Variants in MECOM observed in about 807,000 individuals in gnomAD.
The protein encoded by MECOM is histone-lysine N-methyltransferase MECOM.
Under a neutral mutation model 116.3 loss-of-function variants are expected in MECOM, and 13 were observed. That is an observed-to-expected ratio of 0.11 (90% CI 0.07 to 0.18). MECOM has a LOEUF of 0.18. Ranked by LOEUF, MECOM falls within the 10% of genes least tolerant of loss-of-function variation. MECOM has a pLI of 1.00. For synonymous variants in MECOM, 528 were observed against 535.2 expected, an observed-to-expected ratio of 0.99 and a Z score of 0.19; for missense variants, 1,299 against 1,509.0, an observed-to-expected ratio of 0.86 and a Z score of 2.31.
At chr3:169,311,671 T>C (rs1030864046) in intron 2 of MECOM, among the ~76,000 whole-genome samples, 31 of 140,492 alleles carry the variant, frequency 2.2e-4, no homozygotes, top group Non-Finnish European at 1.9e-4. Context: ...AGTGTTTCTT[T>C]TACATTTTAC....
chr3:169,483,835 C>A (rs889652041), intron 1 of MECOM: 9 of 1,611,562 alleles, frequency 5.6e-6, no homozygotes, highest in Non-Finnish European at 7.6e-6. Context: ...AAAGGCACCT[C>A]GGATGTCACG....
intron 2 of MECOM, among the ~76,000 whole-genome samples, chr3:169,265,379 A>G (rs935844014): frequency 4.6e-5 from 7 of 152,258 alleles, no homozygotes; most frequent in African/African-American, 1.7e-4. Context: ...TTGAAAATCA[A>G]TATATTTGCA....
rs16853542 is a variant in MECOM, at chr3:169,343,869, T to C, written c.375+37318A>G. 6.0e-3 allele frequency among the ~76,000 whole-genome samples: 908 copies of C among 152,292 alleles called. 70 individuals carry two copies. In the East Asian group the frequency reaches 0.16, roughly 27 times the overall value. On this transcript the variant is annotated intron_variant, in intron 2 of 16. Transcript: ENST00000651503. Reference sequence around the variant, plus strand: ...AGTCAAACATTTTGCAGTACCATCCTTGAAATTATTAAACATTGTTGACAT... The same window carrying C: ...AGTCAAACATTTTGCAGTACCATCCCTGAAATTATTAAACATTGTTGACAT...
At chr3:169,526,422 A>T (rs1297085020) in intron 1 of MECOM, among the ~76,000 whole-genome samples, 1 of 152,206 alleles carries the variant, frequency 6.6e-6, no homozygotes, top group Non-Finnish European at 1.5e-5. Flanking sequence ...GTTTTGACAC[A>T]TTCAAGTGTG....
intron 2 of MECOM, chr3:169,145,143 AACACAC>A (rs67598122): frequency 0.094 from 47,686 of 509,982 alleles, 1,937 homozygotes; most frequent in Non-Finnish European, 0.098. Flanking sequence ...GATATTATTA[AACACAC>A]ACACACACAC....
chr3:169,159,663 T>C (rs1397886214), intron 2 of MECOM, among the ~76,000 whole-genome samples: 1 of 152,144 alleles, frequency 6.6e-6, no homozygotes, highest in Non-Finnish European at 1.5e-5. Flanking sequence ...ATCTGGTAAA[T>C]AGAGACTCAT....
intron 1 of MECOM, among the ~76,000 whole-genome samples, chr3:169,570,382 G>A (rs1218738484): frequency 4.6e-5 from 7 of 152,204 alleles, no homozygotes; most frequent in East Asian, 3.9e-4. Flanking sequence ...AGGACCAGAC[G>A]GATTCACAGC....
intron 2 of MECOM, among the ~76,000 whole-genome samples, chr3:169,153,625 CT>C (rs1741501839): frequency 1.3e-5 from 2 of 152,202 alleles, no homozygotes; most frequent in South Asian, 4.2e-4. Flanking sequence ...TTCCCTCGAG[CT>C]TTAGATACAC....
At chr3:169,387,081 AT>A (rs1330595705) in intron 1 of MECOM, among the ~76,000 whole-genome samples, 1 of 151,686 alleles carries the variant, frequency 6.6e-6, no homozygotes, top group South Asian at 2.1e-4. Flanking sequence ...TGGTATTTCG[AT>A]TTTTTTTAAC....
At chr3:169,139,649 T>C (rs1369555666) in intron 3 of MECOM, among the ~76,000 whole-genome samples, 1 of 152,144 alleles carries the variant, frequency 6.6e-6, no homozygotes, top group East Asian at 1.9e-4. Flanking sequence ...TATGAAGATG[T>C]ATTAGAGTAA....
rs188308135 is a variant in MECOM at position 169,568,359 on chromosome 3, C to T, written c.37+94977G>A. ...CATACCCCAGTGGCACCTGGAACCTCCGAGACAGAACTGTTCACTCCCCTG... is the reference window on the plus strand; with the variant it reads ...CATACCCCAGTGGCACCTGGAACCTTCGAGACAGAACTGTTCACTCCCCTG... On this transcript the variant is annotated intron_variant, in intron 1 of 16. Coordinates refer to ENST00000651503, the MANE Select transcript of MECOM (RefSeq NM_004991.4). Among the ~76,000 whole-genome samples, 58 of 152,168 alleles carry T rather than the reference C, an allele frequency of 3.8e-4. No individual in the cohort carries two copies. The East Asian group carries it at 0.01, about 26-fold the overall frequency.
intron 2 of MECOM, among the ~76,000 whole-genome samples, chr3:169,178,557 A>T (rs1265718185): frequency 6.6e-6 from 1 of 152,206 alleles, no homozygotes; most frequent in Non-Finnish European, 1.5e-5. Context: ...GTTTCTGGCC[A>T]TCTATTTAGT....
intron 2 of MECOM, among the ~76,000 whole-genome samples, chr3:169,349,766 C>G (rs778576843): frequency 6.6e-6 from 1 of 151,788 alleles, no homozygotes; most frequent in Non-Finnish European, 1.5e-5. Flanking sequence ...GAAGAATGAA[C>G]GATCTTTTCT....
chr3:169,132,008 T>A (rs1008504058), intron 3 of MECOM: 2 of 985,422 alleles, frequency 2.0e-6, no homozygotes, highest in African/African-American at 1.8e-5. Context: ...AGGTAATAGG[T>A]TGAAAGGACA....
intron 1 of MECOM, among the ~76,000 whole-genome samples, chr3:169,567,613 C>A (rs141262426): frequency 7.9e-5 from 12 of 152,136 alleles, no homozygotes; most frequent in Admixed American, 5.2e-4. Flanking sequence ...TATGAAAATG[C>A]TTTGCCAGTA....
chr3:169,165,778 C>T (rs984875122), intron 2 of MECOM, among the ~76,000 whole-genome samples: 7 of 152,134 alleles, frequency 4.6e-5, no homozygotes, highest in Admixed American at 1.3e-4. Flanking sequence ...ACATTTTTCA[C>T]TCTCTTTCCT....
At chr3:169,314,132 C>G (rs532236492) in intron 2 of MECOM, among the ~76,000 whole-genome samples, 28 of 152,204 alleles carry the variant, frequency 1.8e-4, no homozygotes, top group Non-Finnish European at 3.8e-4. Context: ...TTCCTCCTTC[C>G]TTGTCTTCTT....
At chr3:169,086,713 C>T (rs759955985) in intron 16 of MECOM, 24 of 559,684 alleles carry the variant, frequency 4.3e-5, no homozygotes, top group South Asian at 8.4e-5. Flanking sequence ...TAATTTTTAC[C>T]GGATAGAGTT....
At chr3:169,253,697 AGAAAAG>A (rs1756523652) in intron 2 of MECOM, among the ~76,000 whole-genome samples, 1 of 152,084 alleles carries the variant, frequency 6.6e-6, no homozygotes, top group Non-Finnish European at 1.5e-5. Context: ...TTCCCCAGAA[AGAAAAG>A]GAAAACAATG....
Sources: allele counts gnomAD v4.1 joint callset (sites outside exome capture counted in the v4.1 genomes callset), GRCh38; gene constraint gnomAD v4.1.1; transcripts MANE v1.5; gene names NCBI Gene and HGNC (gene_info 2026-07-23, HGNC 2026-07-21).